TMEM131: variants seen among roughly 807,000 people sequenced by gnomAD.
TMEM131 encodes transmembrane protein 131, also known as 2610524E03Rik.
A neutral mutation model predicts 211.6 loss-of-function variants in TMEM131; 66 were observed. That is an observed-to-expected ratio of 0.31 (90% CI 0.26 to 0.38). The LOEUF (loss-of-function observed/expected upper bound fraction) is 0.38, where lower values mean the gene tolerates loss of function less well. Among genes scored for constraint, TMEM131 ranks in the 10% least tolerant of loss-of-function variants. The probability of loss-of-function intolerance (pLI) is 1.00; values close to 1 mark genes in which losing one functional copy is unlikely to be tolerated. For missense variants in TMEM131, 2,036 were observed against 2,299.3 expected (o/e 0.89, Z 2.34); for synonymous variants, 844 against 841.3 (o/e 1.00, Z -0.06).
chr2:97,902,647 T>G lies in TMEM131; in HGVS notation c.290+6011A>C, dbSNP rs186848877. 1.5e-3 allele frequency among the ~76,000 whole-genome samples: 228 copies of G among 152,256 alleles called. 1 individual carries two copies. The highest frequency in any genetic ancestry group is 0.011 in the Admixed American group (167 of 15,278). On this transcript the variant is annotated intron_variant, in intron 3 of 40. Transcript: ENST00000186436. ...ACCACTTGTGATGGTTAATACTGAGTGTTAACTTGATTAGATTGAAGGATA... is the reference window on the plus strand; with the variant it reads ...ACCACTTGTGATGGTTAATACTGAGGGTTAACTTGATTAGATTGAAGGATA...
At position 97,815,429 on chromosome 2, in the gene TMEM131, A is replaced by G. The variant is rs1681777606; in HGVS notation, c.1184-122T>C. On this transcript the variant is annotated intron_variant, in intron 12 of 40. Transcript: ENST00000186436. ...GTTGAGCTTCCAAATTGGCCAACAG[A>G]ACACTTTTTATAACATTTTAAATGA... The G allele has an allele frequency of 1.6e-5, 9 of 545,822 alleles. 1 individual carries two copies. The South Asian group carries it at 2.4e-4, about 15-fold the overall frequency. The allele number at this position is 545,822 out of a possible 1,614,324, so 33.8% of individuals were successfully genotyped here. A position where few individuals can be genotyped will look rare whatever the true frequency, so the allele number is the denominator to read the frequency against.
chr2:97,915,960 C>A (rs1429101963), intron 2 of TMEM131, among the ~76,000 whole-genome samples: 5 of 152,142 alleles, frequency 3.3e-5, no homozygotes, highest in Non-Finnish European at 7.3e-5. Context: ...GTTGCCCAGG[C>A]TGGAATGCAG....
chr2:97,941,333 T>C (rs1677716148), intron 1 of TMEM131, among the ~76,000 whole-genome samples: 1 of 152,172 alleles, frequency 6.6e-6, no homozygotes, highest in Non-Finnish European at 1.5e-5. Flanking sequence ...TCAAGATGGA[T>C]TAAAGACTTA....
intron 3 of TMEM131, 121 bp downstream of exon 3, chr2:97,908,537 G>A (rs1189604885): frequency 1.9e-5 from 13 of 672,926 alleles, no homozygotes; most frequent in Middle Eastern, 2.5e-4. Flanking sequence ...ATCATATAAT[G>A]TGATTTACAA....
At chr2:97,824,861 T>C (rs1043313077) in intron 11 of TMEM131, among the ~76,000 whole-genome samples, 1 of 152,226 alleles carries the variant, frequency 6.6e-6, no homozygotes, top group East Asian at 1.9e-4. Flanking sequence ...ACCCCAATTC[T>C]AGGAGTACAA....
In TMEM131 at chr2:97,865,580, C is replaced by T. The variant is rs75444421; in HGVS notation, c.360-6153G>A. ...TGATTTTTTCAATGTTAAACCAACC[C>T]TGCATTCTTGAGATAAATGTCACTT... On this transcript the variant is annotated intron_variant, in intron 4 of 40. Coordinates refer to ENST00000186436, the MANE Select transcript of TMEM131 (RefSeq NM_015348.2). Among the ~76,000 whole-genome samples, 491 of 152,260 alleles carry T rather than the reference C, an allele frequency of 3.2e-3. 6 individuals are homozygous for T. In the East Asian group the frequency reaches 0.041, roughly 13 times the overall value.
Position 97,796,252 on chromosome 2 carries a change from G to C in TMEM131, c.3166C>G (p.Leu1056Val). 6.4e-7 allele frequency: 1 copy of C among 1,568,082 alleles called. No homozygotes were observed. Among genetic ancestry groups the C allele is most frequent in the African/African-American group, 1.4e-5 (1 of 73,782 alleles). The change falls in exon 28 of 41, where the codon CTA (leucine) becomes GTA (valine). Residue 1056 changes from leucine (L) to valine (V), a missense_variant. Leu to Val is a conservative substitution (Grantham distance 32). Coordinates refer to ENST00000186436, the MANE Select transcript of TMEM131 (RefSeq NM_015348.2). ...ATATCTCTAGAAGCATTGGCACTTA[G>C]AGTAAACTCTTGACAATTAACAACT... The part of the protein sequence containing the change: ...FKVVNCQEFT[L>V]SANASRDIII...
At chr2:97,975,852 T>C (rs939129216) in intron 1 of TMEM131, among the ~76,000 whole-genome samples, 15 of 140,576 alleles carry the variant, frequency 1.1e-4, no homozygotes, top group Non-Finnish European at 2.0e-4. Flanking sequence ...TGACCAAAGA[T>C]ACAAAAATTC....
In TMEM131 at chr2:97,995,932, G is replaced by C. The variant is rs1266672858; in HGVS notation, c.-270C>G. 1.5e-5 allele frequency: 3 copies of C among 194,154 alleles called. No homozygotes were observed. Among genetic ancestry groups the C allele is most frequent in the Non-Finnish European group, 3.1e-5 (3 of 96,112 alleles). 12.0% of individuals were successfully genotyped at this position (194,154 alleles called of 1,614,324 possible). A position where few individuals can be genotyped will look rare whatever the true frequency, so the allele number is the denominator to read the frequency against. ...CGCGGCGGGCGGCCATACTGGAAAC[G>C]GGCACGGCCCGCGAGCCCTGAGCGC... On this transcript the variant is annotated 5_prime_UTR_variant, in exon 1 of 41. Coordinates refer to ENST00000186436, the MANE Select transcript of TMEM131 (RefSeq NM_015348.2).
chr2:97,911,577 G>A (rs533997894), intron 2 of TMEM131: 1 of 974,006 alleles, frequency 1.0e-6, no homozygotes, highest in East Asian at 1.1e-4. Flanking sequence ...AAATTATCAT[G>A]AAGACAGAAT....
chr2:97,908,473 T>C (rs1343002828), intron 3 of TMEM131, among the ~76,000 whole-genome samples, 185 bp downstream of exon 3: 1 of 152,178 alleles, frequency 6.6e-6, no homozygotes, highest in Non-Finnish European at 1.5e-5. Context: ...CACAATTGCA[T>C]GATGTGCACA....
chr2:97,868,848 T>G (rs1017212645), intron 4 of TMEM131, among the ~76,000 whole-genome samples: 1 of 152,106 alleles, frequency 6.6e-6, no homozygotes, highest in African/African-American at 2.4e-5. Context: ...CCGTGGAGAC[T>G]CAGATCCTTT....
At chr2:97,922,422 C>T (rs1676781496) in intron 2 of TMEM131, among the ~76,000 whole-genome samples, 2 of 152,080 alleles carry the variant, frequency 1.3e-5, no homozygotes, top group Admixed American at 6.6e-5. Flanking sequence ...TTATGTTCAC[C>T]AAGAGACAGC....
Position 97,859,337 on chromosome 2 carries a change from T to C in TMEM131, c.450A>G (p.Thr150=), listed in dbSNP as rs778465520. ...GAAAAAATGATGCATGAAAATGTGATGTTGTAGCAGATATTGATACTAAAG... is the reference window on the plus strand; with the variant it reads ...GAAAAAATGATGCATGAAAATGTGACGTTGTAGCAGATATTGATACTAAAG... ...TITLVSISAT[T]SHFHASFFQN... Residue 150 remains threonine (T), a synonymous_variant, in exon 5 of 41, where the codon ACA becomes ACG. Coordinates refer to ENST00000186436, the MANE Select transcript of TMEM131 (RefSeq NM_015348.2). 18 of 1,600,494 alleles carry C rather than the reference T, an allele frequency of 1.1e-5. No individual in the cohort carries two copies. Among genetic ancestry groups the C allele is most frequent in the Middle Eastern group, 3.3e-4 (2 of 6,038 alleles).
At chr2:97,828,280 G>A (rs1361147969) in intron 11 of TMEM131, among the ~76,000 whole-genome samples, 1 of 151,860 alleles carries the variant, frequency 6.6e-6, no homozygotes, top group Admixed American at 6.6e-5. Context: ...ATTTCGTTAT[G>A]TATGTTAAGA....
At chr2:97,935,361 A>G (rs1677398586) in intron 1 of TMEM131, among the ~76,000 whole-genome samples, 1 of 152,198 alleles carries the variant, frequency 6.6e-6, no homozygotes, top group African/African-American at 2.4e-5. Context: ...TACAGGCTAC[A>G]CAGGATCTCT....
chr2:97,921,674 A>G (rs1393711148), intron 2 of TMEM131, among the ~76,000 whole-genome samples: 1 of 152,220 alleles, frequency 6.6e-6, no homozygotes, highest in Non-Finnish European at 1.5e-5. Context: ...AAGATCTTGT[A>G]TTCAGAACTT....
At chr2:97,799,593 T>C (rs1279453214) in intron 25 of TMEM131, among the ~76,000 whole-genome samples, 2 of 152,246 alleles carry the variant, frequency 1.3e-5, no homozygotes, top group Non-Finnish European at 2.9e-5. Flanking sequence ...TTGGATAATT[T>C]GTATTCACCA....
At chr2:97,861,274 A>G (rs965327126) in intron 4 of TMEM131, among the ~76,000 whole-genome samples, 6 of 151,864 alleles carry the variant, frequency 4.0e-5, no homozygotes, top group African/African-American at 1.5e-4. Context: ...GGGGCATGCA[A>G]CCTACTGAGA....
Sources: gnomAD v4.1 joint callset for allele counts (sites outside exome capture counted in the v4.1 genomes callset) on GRCh38, gnomAD v4.1.1 for gene constraint, MANE v1.5 for transcripts, NCBI Gene and HGNC (gene_info 2026-07-23, HGNC 2026-07-21) for gene names.